PPID: variants seen among roughly 807,000 people sequenced by gnomAD.
PPID encodes the protein peptidyl-prolyl cis-trans isomerase D.
PPID carries 47 observed loss-of-function variants against 48.1 expected under a neutral mutation model. The observed-to-expected ratio is 0.98, with a 90% CI of 0.77 to 1.25. The LOEUF (loss-of-function observed/expected upper bound fraction) is 1.25. Ranked by LOEUF, PPID falls within the 50% of genes most tolerant of loss-of-function variation. The pLI is 0.00. For synonymous variants in PPID, 163 were observed against 148.8 expected, an observed-to-expected ratio of 1.10 and a Z score of -0.69; for missense variants, 429 against 443.5, an observed-to-expected ratio of 0.97 and a Z score of 0.29.
intron 7 of PPID, among the ~76,000 whole-genome samples, chr4:158,712,855 G>T (rs1320144522): frequency 6.6e-6 from 1 of 152,068 alleles, no homozygotes; most frequent in African/African-American, 2.4e-5. Context: ...CACACAATAG[G>T]TGCTCTTAAG....
intron 3 of PPID, among the ~76,000 whole-genome samples, chr4:158,718,451 A>G (rs1774905280): frequency 6.6e-6 from 1 of 152,206 alleles, no homozygotes; most frequent in Non-Finnish European, 1.5e-5. Context: ...TTATTTATAT[A>G]CTATTATTCT....
At chr4:158,719,129 G>T in intron 3 of PPID, 51 bp downstream of exon 3, 3 of 1,227,236 alleles carry the variant, frequency 2.4e-6, no homozygotes, top group Non-Finnish European at 2.4e-6. Context: ...AAGTATTCCA[G>T]ATATATAACA....
chr4:158,713,069 CTAAG>C (rs776522459), intron 7 of PPID, 46 bp downstream of exon 7: 14 of 1,587,060 alleles, frequency 8.8e-6, no homozygotes, highest in Admixed American at 1.7e-5. Context: ...ACTATTCAAA[CTAAG>C]TCTTAATCCA....
chr4:158,720,890 AT>A (rs1162282669), intron 2 of PPID, among the ~76,000 whole-genome samples: 2 of 151,556 alleles, frequency 1.3e-5, no homozygotes, highest in African/African-American at 4.9e-5. Flanking sequence ...TATTTTTTGT[AT>A]TTTTAGTAGA....
intron 6 of PPID, among the ~76,000 whole-genome samples, chr4:158,714,505 T>C (rs1774838512): frequency 6.6e-6 from 1 of 151,842 alleles, no homozygotes; most frequent in African/African-American, 2.4e-5. Context: ...TAAGAGATAC[T>C]ACCACTAAAT....
Position 158,710,588 on chromosome 4 carries a change from A to G in PPID, c.1024+40T>C, listed in dbSNP as rs538928367. 8.8e-6 allele frequency: 14 copies of G among 1,589,002 alleles called. No homozygotes were observed. In the South Asian group the frequency reaches 9.9e-5, roughly 11 times the overall value. On this transcript the variant is annotated intron_variant, in intron 9 of 9. Transcript: ENST00000307720. Reference sequence around the variant, plus strand: ...ATGGTTCCTGAGGATAAGTATTTAAATAACAAAATTAACTTTCACTACAAA... The same window carrying G: ...ATGGTTCCTGAGGATAAGTATTTAAGTAACAAAATTAACTTTCACTACAAA...
In PPID at chr4:158,717,050, A is replaced by G. The variant is rs780141980; in HGVS notation, c.484T>C (p.Leu162=). Residue 162 remains leucine (L), a synonymous_variant, in exon 4 of 10, where the codon TTG becomes CTG. Transcript: ENST00000307720. The part of the protein sequence containing the change: ...VIKGIGVARI[L]ENVEVKGEKP... The stretch of plus-strand genomic sequence containing the variant: ...TCACCTTTCACTTCCACATTTTCCA[A>G]TATCCTTGCCACTCCTATTCCTTTA... 10 of 1,613,842 alleles carry G rather than the reference A, an allele frequency of 6.2e-6. No homozygotes were observed. In the African/African-American group the frequency reaches 8.0e-5, roughly 13 times the overall value.
At chr4:158,719,996 T>C (rs17843902) in intron 2 of PPID, among the ~76,000 whole-genome samples, 42,212 of 151,998 alleles carry the variant, frequency 0.28, 6,122 homozygotes, top group South Asian at 0.32. Context: ...GAACACACAC[T>C]TCCCCCAGCA....
chr4:158,716,990 T>C (rs1250827792), intron 4 of PPID, 22 bp downstream of exon 4: 1 of 1,591,494 alleles, frequency 6.3e-7, no homozygotes, highest in Non-Finnish European at 8.6e-7. Context: ...ATAAGTGTAT[T>C]TCACTGTAAC....
intron 7 of PPID, among the ~76,000 whole-genome samples, chr4:158,711,227 T>C (rs1483890116): frequency 1.3e-5 from 2 of 152,040 alleles, no homozygotes; most frequent in Non-Finnish European, 2.9e-5. Flanking sequence ...TCTTAAGTTT[T>C]TGTTTTTTGT....
intron 2 of PPID, among the ~76,000 whole-genome samples, chr4:158,720,216 C>G (rs1392862933): frequency 1.6e-4 from 25 of 152,152 alleles, no homozygotes; most frequent in Admixed American, 1.6e-3. Context: ...GTCAAGTTCC[C>G]AGACTCCAAA....
In PPID at chr4:158,719,178, A is replaced by C. The variant is rs1197402788; in HGVS notation, c.333+2T>G. 1 of 1,551,916 alleles carries C rather than the reference A, an allele frequency of 6.4e-7. No individual in the cohort carries two copies. The highest frequency in any genetic ancestry group is 8.9e-7 in the Non-Finnish European group (1 of 1,125,164). ...CAATAACATGCATTTTCTCTACTTT[A>C]CCTTGTAATGGAAATTTTCATCTTC... On this transcript the variant is annotated splice_donor_variant, in intron 3 of 9. Coordinates refer to ENST00000307720, the MANE Select transcript of PPID (RefSeq NM_005038.3). LOFTEE classifies it high-confidence loss of function.
In PPID at chr4:158,723,349, C is replaced by G. The variant is rs2070629; in HGVS notation, c.-61G>C. 3.3e-6 allele frequency: 5 copies of G among 1,518,884 alleles called. No homozygotes were observed. Among genetic ancestry groups the G allele is most frequent in the Non-Finnish European group, 2.7e-6 (3 of 1,101,116 alleles). 94.1% of individuals were successfully genotyped at this position (1,518,884 alleles called of 1,614,324 possible). ...AGTACCTAGTGGCCGCCCGGGCCGC[C>G]CAAACTCCAGAGTCCGTCTCCGCCG... On this transcript the variant is annotated 5_prime_UTR_variant, in exon 1 of 10. Coordinates refer to ENST00000307720, the MANE Select transcript of PPID (RefSeq NM_005038.3).
Position 158,721,412 on chromosome 4 carries a change from T to C in PPID, c.157A>G (p.Thr53Ala). 2 of 1,614,078 alleles carry C rather than the reference T, an allele frequency of 1.2e-6. No individual in the cohort carries two copies. Among genetic ancestry groups the C allele is most frequent in the Non-Finnish European group, 1.7e-6 (2 of 1,179,916 alleles). ...GTGTGTCCAATGCCTTTTTCTCCTG[T>C]ACACAGTGCACGAAAATTTTCCGCA... ...KTAENFRALC[T>A]GEKGIGHTTG... Residue 53 changes from threonine (T) to alanine (A), a missense_variant, in exon 2 of 10, where the codon ACA (threonine) becomes GCA (alanine). By Grantham distance (58) the Thr-to-Ala change is moderately conservative. Transcript: ENST00000307720.
chr4:158,715,602 T>G lies in PPID; in HGVS notation c.605A>C (p.His202Pro), dbSNP rs774351867. Residue 202 changes from histidine to proline, a missense_variant, in exon 5 of 10, where the codon CAT becomes CCT. By Grantham distance (77) the His-to-Pro change is moderately conservative. Coordinates refer to ENST00000307720, the MANE Select transcript of PPID (RefSeq NM_005038.3). Reference protein sequence around the residue: ...IFPKDGSGDSHPDFPEDADID... With the variant: ...IFPKDGSGDSPPDFPEDADID... ...ATCCGCATCCTCAGGGAAATCTGGATGACTGTCGCCAGAGCCATCTTTTGG... is the reference window on the plus strand; with the variant it reads ...ATCCGCATCCTCAGGGAAATCTGGAGGACTGTCGCCAGAGCCATCTTTTGG... The G allele has an allele frequency of 4.2e-5, 67 of 1,613,832 alleles. No homozygotes were observed. Among genetic ancestry groups the G allele is most frequent in the Non-Finnish European group, 9.3e-6 (11 of 1,179,796 alleles).
chr4:158,719,604 A>G (rs982607183), intron 2 of PPID, among the ~76,000 whole-genome samples: 2 of 152,214 alleles, frequency 1.3e-5, no homozygotes, highest in Admixed American at 6.5e-5. Context: ...CTCTGCCTAC[A>G]TAACATATGG....
At chr4:158,714,178 T>C (rs901864862) in intron 6 of PPID, among the ~76,000 whole-genome samples, 2 of 152,210 alleles carry the variant, frequency 1.3e-5, no homozygotes, top group Non-Finnish European at 2.9e-5. Flanking sequence ...TTTTCAATGA[T>C]GCTAAGATCC....
In PPID at chr4:158,710,748, G is replaced by C; in HGVS notation, c.981+14C>G. On this transcript the variant is annotated intron_variant, in intron 8 of 9. Transcript: ENST00000307720. ...GTCTATTTTAAAAAATTAAACATTT[G>C]GAACAAAATTTACCAATGCTTGATC... The C allele has an allele frequency of 6.2e-7, 1 of 1,611,952 alleles. No homozygotes were observed. Among genetic ancestry groups the C allele is most frequent in the Non-Finnish European group, 8.5e-7 (1 of 1,178,470 alleles).
rs183376350 is a variant in PPID, at chr4:158,723,338, G to T, written c.-50C>A. On this transcript the variant is annotated 5_prime_UTR_variant, in exon 1 of 10. Transcript: ENST00000307720. ...CGGAATATCAGAGTACCTAGTGGCC[G>T]CCCGGGCCGCCCAAACTCCAGAGTC... 12 of 1,550,818 alleles carry T rather than the reference G, an allele frequency of 7.7e-6. No homozygotes were observed. Among genetic ancestry groups the T allele is most frequent in the Non-Finnish European group, 9.8e-6 (11 of 1,127,942 alleles).
Sources: gnomAD v4.1 joint callset for allele counts (sites outside exome capture counted in the v4.1 genomes callset) on GRCh38, gnomAD v4.1.1 for gene constraint, MANE v1.5 for transcripts, NCBI Gene and HGNC (gene_info 2026-07-23, HGNC 2026-07-21) for gene names.